BBS2: variants seen among roughly 807,000 people sequenced by gnomAD.
The protein encoded by BBS2 is Bardet-Biedl syndrome 2.
Under a neutral mutation model 83.0 loss-of-function variants are expected in BBS2, and 62 were observed. That is an observed-to-expected ratio of 0.75 (90% CI 0.61 to 0.92). The LOEUF (loss-of-function observed/expected upper bound fraction) is 0.92. Among genes scored for constraint, BBS2 ranks in the 40% least tolerant of loss-of-function variants. The probability of loss-of-function intolerance (pLI) is 0.00; values close to 1 mark genes in which losing one functional copy is unlikely to be tolerated. For synonymous variants in BBS2, 303 were observed against 326.1 expected (o/e 0.93, Z 0.76); for missense variants, 784 against 901.0 (o/e 0.87, Z 1.66).
Position 56,519,929 on chromosome 16 carries a change from G to T in BBS2, c.-67C>A. ...AAGCGCAGCGGAGCTGGCCTCACGC[G>T]CCCGGGCAAGAAGTGCAGGGACACT... is the stretch of plus-strand genomic sequence containing the variant. On this transcript the variant is annotated 5_prime_UTR_variant, in exon 1 of 17. Transcript: ENST00000245157. 4 of 1,399,046 alleles carry T rather than the reference G, an allele frequency of 2.9e-6. No homozygotes were observed. Among genetic ancestry groups the T allele is most frequent in the Non-Finnish European group, 2.0e-6 (2 of 990,530 alleles). 86.7% of individuals were successfully genotyped at this position (1,399,046 alleles called of 1,614,324 possible). A position where few individuals can be genotyped will look rare whatever the true frequency, so the allele number is the denominator to read the frequency against.
At chr16:56,506,808 T>C (rs972586475) in intron 5 of BBS2, among the ~76,000 whole-genome samples, 3 of 152,212 alleles carry the variant, frequency 2.0e-5, no homozygotes, top group Non-Finnish European at 2.9e-5. Flanking sequence ...AGAATGCATA[T>C]ATGATACAGA....
intron 15 of BBS2, among the ~76,000 whole-genome samples, chr16:56,486,564 A>G (rs543704114): frequency 4.6e-5 from 7 of 152,308 alleles, no homozygotes; most frequent in African/African-American, 1.4e-4. Context: ...AATCTCTAAG[A>G]CATTATGTAA....
Position 56,511,144 on chromosome 16 carries a change from T to C in BBS2, c.471+15A>G. 6.2e-7 allele frequency: 1 copy of C among 1,613,834 alleles called. No individual in the cohort carries two copies. The highest frequency in any genetic ancestry group is 8.5e-7 in the Non-Finnish European group (1 of 1,179,982). Reference sequence around the variant, plus strand: ...ATGCTTAAGGGTACCAAAAAGAATGTTTTCTTCTTCATACCGTCCAAAAGA... The same window carrying C: ...ATGCTTAAGGGTACCAAAAAGAATGCTTTCTTCTTCATACCGTCCAAAAGA... On this transcript the variant is annotated intron_variant, in intron 3 of 16. Transcript: ENST00000245157.
At chr16:56,479,050 T>C (rs1963593565) in intron 17 of BBS2, 1 of 152,242 alleles carries the variant, frequency 6.6e-6, no homozygotes, top group Admixed American at 6.5e-5. Flanking sequence ...AATTAGAACA[T>C]GGGCATCTTT....
chr16:56,490,890 T>C (rs896734473), intron 15 of BBS2, among the ~76,000 whole-genome samples: 21 of 151,332 alleles, frequency 1.4e-4, no homozygotes, highest in Non-Finnish European at 2.5e-4. Context: ...GCCTCCCGAA[T>C]AGCTGGGACT....
At chr16:56,479,328 G>C (rs1234837624) in intron 17 of BBS2, among the ~76,000 whole-genome samples, 2 of 152,164 alleles carry the variant, frequency 1.3e-5, no homozygotes, top group Non-Finnish European at 2.9e-5. Flanking sequence ...ACAAAAATTA[G>C]CTGGGTGTGC....
exon 18 of BBS2, chr16:56,470,452 G>A: frequency 2.6e-6 from 4 of 1,552,980 alleles, no homozygotes; most frequent in Admixed American, 1.9e-5. Flanking sequence ...TACATCTGTG[G>A]CTTTGATGAA....
chr16:56,485,775 T>C (rs765083716), intron 15 of BBS2, 37 bp from the exon 16 acceptor site: 1 of 1,608,208 alleles, frequency 6.2e-7, no homozygotes, highest in East Asian at 2.2e-5. Context: ...TCATTTCATG[T>C]TGATATGGCA....
downstream of BBS2, among the ~76,000 whole-genome samples, chr16:56,479,967 G>A (rs1472982002): frequency 1.3e-5 from 2 of 152,188 alleles, no homozygotes; most frequent in South Asian, 2.1e-4. Context: ...CTGACTACCC[G>A]CCCTATGGGC....
In BBS2 at chr16:56,506,054, T is replaced by C. The variant is rs779627030; in HGVS notation, c.718-18A>G. 6 of 1,612,622 alleles carry C rather than the reference T, an allele frequency of 3.7e-6. No individual in the cohort carries two copies. In the East Asian group the frequency reaches 1.3e-4, roughly 36 times the overall value. On this transcript the variant is annotated intron_variant, in intron 6 of 16. Coordinates refer to ENST00000245157, the MANE Select transcript of BBS2 (RefSeq NM_031885.5). ...TTTTTCGACTGAAAAAGAATTTTAA[T>C]AATTAGCACAGAAGTCTCACAATAA...
Position 56,484,761 on chromosome 16 carries a change from C to G in BBS2, c.2166G>C (p.Ter722TyrextTer16), listed in dbSNP as rs1555520101. The change falls in exon 17 of 17, where the codon TAG becomes TAC. Residue 722 changes from the stop codon to tyrosine (Y), a stop_lost. Transcript: ENST00000245157. ...ACTTCATGACCTGTATTTTCCTCAC[C>G]TAGGAAGAAGCTGTCCCCACTCGCA... The part of the protein sequence containing the change: ...KIMRVGTASS[*>Y] 1 of 1,613,094 alleles carries G rather than the reference C, an allele frequency of 6.2e-7. No homozygotes were observed. Among genetic ancestry groups the G allele is most frequent in the African/African-American group, 1.3e-5 (1 of 75,018 alleles).
At chr16:56,484,928 C>T (rs1597001257) in intron 16 of BBS2, 61 bp from the exon 17 acceptor site, 9 of 1,323,460 alleles carry the variant, frequency 6.8e-6, no homozygotes, top group South Asian at 6.0e-5. Context: ...TAAAATTAGA[C>T]GTCAGTTTTA....
chr16:56,515,916 C>G (rs1964731945), intron 1 of BBS2: 1 of 152,348 alleles, frequency 6.6e-6, no homozygotes, highest in Admixed American at 6.5e-5. Context: ...TGGTGTGCTC[C>G]AGGCCCTGCG....
intron 1 of BBS2, among the ~76,000 whole-genome samples, chr16:56,515,433 C>T (rs571513995): frequency 6.6e-6 from 1 of 152,068 alleles, no homozygotes; most frequent in Admixed American, 6.6e-5. Flanking sequence ...CTTCGCAGGA[C>T]CACAGTACAA....
intron 17 of BBS2, chr16:56,470,830 C>T (rs1351452999): frequency 6.7e-7 from 1 of 1,490,220 alleles, no homozygotes; most frequent in South Asian, 1.4e-5. Flanking sequence ...TTACCATTAA[C>T]CATTCACCAT....
chr16:56,493,383 C>CAAA (rs1177705335), intron 15 of BBS2, among the ~76,000 whole-genome samples: 24 of 24,010 alleles, frequency 1.0e-3, no homozygotes, highest in African/African-American at 2.1e-3. Flanking sequence ...GACCTTGTCT[C>CAAA]AAAAAAAAAA....
chr16:56,477,932 G>T (rs1381786007), intron 17 of BBS2: 1 of 152,124 alleles, frequency 6.6e-6, no homozygotes, highest in Non-Finnish European at 1.5e-5. Context: ...TTTCAAAAAG[G>T]TTTAATTCTG....
At chr16:56,519,458 C>G (rs1484715777) in intron 1 of BBS2, 13 of 418,404 alleles carry the variant, frequency 3.1e-5, no homozygotes, top group Non-Finnish European at 4.8e-5. Context: ...CCGAACCAAA[C>G]CCCTTCCCTC....
At chr16:56,480,366 C>CAAAAAAAAAACA (rs1963638499), downstream of BBS2, among the ~76,000 whole-genome samples, 71 of 90,230 alleles carry the variant, frequency 7.9e-4, 1 homozygote, top group African/African-American at 3.0e-3. Flanking sequence ...AAAAAAAAAA[C>CAAAAAAAAAACA]AAAAAAAAAA....
Sources: allele counts gnomAD v4.1 joint callset (sites outside exome capture counted in the v4.1 genomes callset), GRCh38; gene constraint gnomAD v4.1.1; transcripts MANE v1.5; gene names NCBI Gene and HGNC (gene_info 2026-07-23, HGNC 2026-07-21).